UTRN: variants seen among roughly 807,000 people sequenced by gnomAD.
The protein encoded by UTRN is utrophin.
UTRN carries 283 observed loss-of-function variants against 463.9 expected under a neutral mutation model. That is an observed-to-expected ratio of 0.61 (90% CI 0.55 to 0.67). The LOEUF (loss-of-function observed/expected upper bound fraction) is 0.67, where lower values mean the gene tolerates loss of function less well. UTRN is among the 30% of genes least tolerant of loss of function. UTRN has a pLI of 0.00. For synonymous variants in UTRN, 1,442 were observed against 1,431.5 expected (o/e 1.01, Z -0.17); for missense variants, 3,922 against 4,084.3 (o/e 0.96, Z 1.08).
Position 144,522,032 on chromosome 6 carries a change from C to T in UTRN, c.5594C>T (p.Ser1865Leu), listed in dbSNP as rs138139861. ...GGTCAACTTGCTTCTGGAATTAGAT[C>T]ATCACTTCTTCCTACAGATTATCTG... ...KMGQLASGIRSSLLPTDYLVE... is the reference protein window; with the variant it reads ...KMGQLASGIRLSLLPTDYLVE... The change falls in exon 40 of 75, where the codon TCA becomes TTA. Residue 1865 changes from serine to leucine, a missense_variant. Coordinates refer to ENST00000367545, the MANE Select transcript of UTRN (RefSeq NM_007124.3). The T allele has an allele frequency of 5.1e-6, 8 of 1,581,500 alleles. No homozygotes were observed. The highest frequency in any genetic ancestry group is 1.4e-5 in the African/African-American group (1 of 72,356).
rs181012386 is a variant in UTRN, at chr6:144,291,864, C to T, written c.36C>T (p.Asp12=). 33 of 1,613,410 alleles carry T rather than the reference C, an allele frequency of 2.0e-5. No individual in the cohort carries two copies. The highest frequency in any genetic ancestry group is 2.0e-4 in the African/African-American group (15 of 75,004). The part of the protein sequence containing the change: ...AKYGEHEASP[D]NGQNEFSDII... The stretch of plus-strand genomic sequence containing the variant: ...ATGGAGAACATGAAGCCAGTCCTGA[C>T]AATGGGCAGAACGAATTCAGTGATA... The change falls in exon 2 of 75, where the codon GAC becomes GAT. Residue 12 remains aspartate, a synonymous_variant. Coordinates refer to ENST00000367545, the MANE Select transcript of UTRN (RefSeq NM_007124.3).
At chr6:144,523,805 AT>A (rs1240601880) in intron 41 of UTRN, among the ~76,000 whole-genome samples, 1 of 152,244 alleles carries the variant, frequency 6.6e-6, no homozygotes, top group African/African-American at 2.4e-5. Flanking sequence ...AGCACACTTG[AT>A]GATTAATGTG....
intron 74 of UTRN, among the ~76,000 whole-genome samples, chr6:144,848,927 A>G (rs1183398777): frequency 6.6e-6 from 1 of 152,074 alleles, no homozygotes; most frequent in Non-Finnish European, 1.5e-5. Flanking sequence ...GGGTGTTTTT[A>G]GGGAGAGGAG....
At chr6:144,791,943 T>G (rs1349121442) in intron 62 of UTRN, among the ~76,000 whole-genome samples, 2 of 152,216 alleles carry the variant, frequency 1.3e-5, no homozygotes, top group African/African-American at 2.4e-5. Context: ...CATCAACTTT[T>G]ATTTACTTAA....
intron 34 of UTRN, among the ~76,000 whole-genome samples, 159 bp from the exon 35 acceptor site, chr6:144,510,785 A>G (rs1443206874): frequency 6.6e-6 from 1 of 152,204 alleles, no homozygotes; most frequent in African/African-American, 2.4e-5. Context: ...CACTATGTTA[A>G]TAAGTTTGGG....
rs367584309 is a variant in UTRN at position 144,748,510 on chromosome 6, T to C, written c.8204T>C (p.Ile2735Thr). The C allele has an allele frequency of 3.0e-5, 48 of 1,612,208 alleles. No individual in the cohort carries two copies. The highest frequency in any genetic ancestry group is 3.9e-5 in the Non-Finnish European group (46 of 1,179,388). ...TCGCTGCAGGATCACATTGAAAAAA[T>C]CATGGTCAGCATCATTGTCTTTGAA... Reference protein sequence around the residue: ...IDSLQDHIEKIMAFREEIAPI... With the variant: ...IDSLQDHIEKTMAFREEIAPI... Residue 2735 changes from isoleucine (I) to threonine (T), a missense_variant, in exon 55 of 75, where the codon ATC becomes ACC. Physicochemically the swap from Ile to Thr is moderately conservative, Grantham distance 89. This residue lies in a region of UTRN where 1,309 missense variants were observed against 1,452.6 expected (regional missense o/e 0.90). Coordinates refer to ENST00000367545, the MANE Select transcript of UTRN (RefSeq NM_007124.3).
At chr6:144,438,079 G>C (rs1349100187) in intron 11 of UTRN, among the ~76,000 whole-genome samples, 3 of 152,044 alleles carry the variant, frequency 2.0e-5, no homozygotes, top group African/African-American at 7.2e-5. Flanking sequence ...CAGCCTGGGC[G>C]ACATGGCGAA....
intron 51 of UTRN, among the ~76,000 whole-genome samples, chr6:144,599,087 G>A (rs1337052232): frequency 2.0e-5 from 3 of 152,048 alleles, no homozygotes; most frequent in Admixed American, 6.6e-5. Context: ...TATTTATTGC[G>A]GTCTAGGAGA....
chr6:144,443,043 C>T (rs1352443098), intron 13 of UTRN, among the ~76,000 whole-genome samples: 1 of 152,182 alleles, frequency 6.6e-6, no homozygotes, highest in Non-Finnish European at 1.5e-5. Flanking sequence ...ATGTGAATTT[C>T]AACAACAGTT....
intron 71 of UTRN, among the ~76,000 whole-genome samples, chr6:144,837,920 G>A (rs1200171968): frequency 1.3e-5 from 2 of 152,160 alleles, no homozygotes; most frequent in Non-Finnish European, 2.9e-5. Context: ...CAAGACGTGG[G>A]TTTCTTGAAG....
At chr6:144,439,189 T>C (rs1210567443) in intron 12 of UTRN, among the ~76,000 whole-genome samples, 1 of 152,210 alleles carries the variant, frequency 6.6e-6, no homozygotes, top group Non-Finnish European at 1.5e-5. Flanking sequence ...AACCCAAGCA[T>C]GTTGGCGTTC....
intron 2 of UTRN, among the ~76,000 whole-genome samples, chr6:144,378,411 T>C (rs1203341060): frequency 6.6e-6 from 1 of 152,200 alleles, no homozygotes; most frequent in Non-Finnish European, 1.5e-5. Flanking sequence ...CAATATGTAA[T>C]CAAATTAAGA....
chr6:144,427,516 TTC>T (rs961222805), intron 7 of UTRN, among the ~76,000 whole-genome samples: 2 of 152,204 alleles, frequency 1.3e-5, no homozygotes, highest in African/African-American at 4.8e-5. Context: ...TTCTTCTGTT[TTC>T]TTTTTTGTTC....
Position 144,379,406 on chromosome 6 carries a change from C to A in UTRN, c.80-23717C>A, listed in dbSNP as rs147918124. 3.3e-3 allele frequency among the ~76,000 whole-genome samples: 500 copies of A among 152,172 alleles called. 3 individuals are homozygous for A. The highest frequency in any genetic ancestry group is 0.014 in the Middle Eastern group (4 of 294). ...TTGACCGAGGCTAGAGGATCTGATT[C>A]CAAGATGGCTTATGTACATGGCTTT... On this transcript the variant is annotated intron_variant, in intron 2 of 74. Transcript: ENST00000367545.
Position 144,824,603 on chromosome 6 carries a change from TATATATATATC to T in UTRN, c.9495-2744_9495-2734del, listed in dbSNP as rs1562955011. On this transcript the variant is annotated intron_variant, in intron 66 of 74. Transcript: ENST00000367545. ...ATATATATATATATATATATATATA[TATATATATATC>T]TTTTTTTTTTTTTTTTTTTTTTTGA... is the stretch of plus-strand genomic sequence containing the variant. Among the ~76,000 whole-genome samples the T allele has an allele frequency of 9.0e-3, 476 of 52,628 alleles. 5 individuals are homozygous for T. Among genetic ancestry groups the T allele is most frequent in the East Asian group, 0.045 (30 of 660 alleles). 34.5% of individuals were successfully genotyped at this position (52,628 alleles called of 152,430 possible).
rs1793510050 is a variant in UTRN, at chr6:144,767,683, G to A, written c.8496-4224G>A. On this transcript the variant is annotated intron_variant, in intron 58 of 74. Transcript: ENST00000367545. ...TTGGTACAAATCGAGCACTCAAATA[G>A]CATGTTATTACTGTGATTAATATAC... is the stretch of plus-strand genomic sequence containing the variant. Among the ~76,000 whole-genome samples the A allele has an allele frequency of 2.0e-5, 3 of 152,016 alleles. No homozygotes were observed. In the South Asian group the frequency reaches 6.2e-4, roughly 31 times the overall value.
At position 144,797,838 on chromosome 6, in the gene UTRN, A is replaced by G; in HGVS notation, c.9093A>G (p.Pro3031=). Residue 3031 remains proline, a synonymous_variant, in exon 64 of 75, where the codon CCA becomes CCG. Transcript: ENST00000367545. ...TTTTTCACCAGAATAACAATAAACC[A>G]GAAATAAGTGTGAAAGAGTTTATAG... ...RSCFQQNNNK[P]EISVKEFIDW... 1 of 1,613,872 alleles carries G rather than the reference A, an allele frequency of 6.2e-7. No homozygotes were observed. Among genetic ancestry groups the G allele is most frequent in the Non-Finnish European group, 8.5e-7 (1 of 1,179,874 alleles).
chr6:144,779,079 C>A (rs1331219703), intron 60 of UTRN, among the ~76,000 whole-genome samples: 1 of 152,150 alleles, frequency 6.6e-6, no homozygotes, highest in Non-Finnish European at 1.5e-5. Flanking sequence ...ACCAGGGAGA[C>A]TTCAGAAAGA....
chr6:144,706,402 G>A (rs1486465259), intron 53 of UTRN, among the ~76,000 whole-genome samples: 1 of 151,948 alleles, frequency 6.6e-6, no homozygotes, highest in Non-Finnish European at 1.5e-5. Flanking sequence ...AGGAACATGA[G>A]AGGCACAGTG....
Sources: allele counts gnomAD v4.1 joint callset (sites outside exome capture counted in the v4.1 genomes callset), GRCh38; gene constraint gnomAD v4.1.1; regional missense constraint gnomAD v4.1.1; transcripts MANE v1.5; gene names NCBI Gene and HGNC (gene_info 2026-07-23, HGNC 2026-07-21).